The following ZBTB8OS variants were observed in gnomAD, a reference collection of about 807,000 sequenced individuals.
The protein encoded by ZBTB8OS is tRNA splicing ligase complex subunit 1, also known as tRNA-splicing ligase-activating factor archease.
ZBTB8OS carries 16 observed loss-of-function variants against 29.3 expected under a neutral mutation model. The ratio of observed to expected loss-of-function variants is 0.55; its 90% CI spans 0.37 to 0.83. ZBTB8OS has a LOEUF of 0.83. ZBTB8OS is among the 40% of genes least tolerant of loss of function. The pLI, the probability that ZBTB8OS is intolerant of heterozygous loss-of-function variation, is 0.00. For synonymous variants in ZBTB8OS, 70 were observed against 64.6 expected, an observed-to-expected ratio of 1.08 and a Z score of -0.40; for missense variants, 160 against 196.9, an observed-to-expected ratio of 0.81 and a Z score of 1.12.
intron 1 of ZBTB8OS, among the ~76,000 whole-genome samples, chr1:32,642,359 C>T (rs940770280): frequency 1.3e-5 from 2 of 151,940 alleles, no homozygotes; most frequent in Non-Finnish European, 2.9e-5. Flanking sequence ...CAAAAATTAG[C>T]TGGGCGTAGT....
At chr1:32,627,473 T>G in intron 6 of ZBTB8OS, 35 bp downstream of exon 6, 1 of 1,608,332 alleles carries the variant, frequency 6.2e-7, no homozygotes. Flanking sequence ...TAAGGAAATT[T>G]TTCATGTTCT....
chr1:32,639,375 C>A (rs971946122), intron 1 of ZBTB8OS, among the ~76,000 whole-genome samples: 1 of 151,898 alleles, frequency 6.6e-6, no homozygotes, highest in African/African-American at 2.4e-5. Context: ...GTCACAGGCA[C>A]GACCATAGTA....
intron 1 of ZBTB8OS, among the ~76,000 whole-genome samples, chr1:32,636,416 C>T (rs1026436240): frequency 1.3e-5 from 2 of 152,172 alleles, no homozygotes; most frequent in African/African-American, 2.4e-5. Flanking sequence ...TGAGTCTGGG[C>T]GCAGTTGCTC....
intron 1 of ZBTB8OS, among the ~76,000 whole-genome samples, chr1:32,642,828 G>A (rs1433236386): frequency 5.0e-5 from 2 of 40,108 alleles, no homozygotes; most frequent in Non-Finnish European, 1.3e-4. Context: ...GGAGTGCAAT[G>A]GTCCAATTTT....
intron 1 of ZBTB8OS, among the ~76,000 whole-genome samples, chr1:32,641,780 G>A (rs1646429127): frequency 6.6e-6 from 1 of 151,598 alleles, no homozygotes; most frequent in African/African-American, 2.4e-5. Context: ...AATTAGCCGG[G>A]CATGGTGGCT....
rs546640576 is a variant in ZBTB8OS, at chr1:32,632,158, C to T, written c.328-279G>A. The stretch of plus-strand genomic sequence containing the variant: ...CTGGGACTACAGGCGCCTGCCACCA[C>T]GCCCGGCCAATCAATTTTTTTTGTA... On this transcript the variant is annotated intron_variant, in intron 4 of 6. Coordinates refer to ENST00000468695, the MANE Select transcript of ZBTB8OS (RefSeq NM_178547.5). 62 of 184,450 alleles carry T rather than the reference C, an allele frequency of 3.4e-4. 1 individual carries two copies. The South Asian group carries it at 6.8e-3, about 20-fold the overall frequency. 11.4% of individuals were successfully genotyped at this position (184,450 alleles called of 1,614,324 possible).
chr1:32,642,529 T>C (rs1223873872), intron 1 of ZBTB8OS, among the ~76,000 whole-genome samples: 1 of 149,364 alleles, frequency 6.7e-6, no homozygotes, highest in Admixed American at 6.7e-5. Flanking sequence ...AAAAAAGAAA[T>C]GGCCCGGCAA....
At position 32,640,861 on chromosome 1, in the gene ZBTB8OS, T is replaced by C. The variant is rs1164073863; in HGVS notation, c.98-6069A>G. 4.6e-5 allele frequency among the ~76,000 whole-genome samples: 7 copies of C among 152,238 alleles called. No homozygotes were observed. In the East Asian group the frequency reaches 1.4e-3, roughly 29 times the overall value. Reference sequence around the variant, plus strand: ...AAATATTGTCAGCTATTTTCCTTGATGTGACAGATCACTGTTCACTTTCAA... The same window carrying C: ...AAATATTGTCAGCTATTTTCCTTGACGTGACAGATCACTGTTCACTTTCAA... On this transcript the variant is annotated intron_variant, in intron 1 of 6. Coordinates refer to ENST00000468695, the MANE Select transcript of ZBTB8OS (RefSeq NM_178547.5).
chr1:32,643,921 G>T (rs916693201), intron 1 of ZBTB8OS, among the ~76,000 whole-genome samples: 1 of 151,832 alleles, frequency 6.6e-6, no homozygotes, highest in Non-Finnish European at 1.5e-5. Context: ...TTGTACCCAA[G>T]CGAGTTAGAA....
chr1:32,645,501 A>T (rs1646764763), intron 1 of ZBTB8OS, among the ~76,000 whole-genome samples: 1 of 152,156 alleles, frequency 6.6e-6, no homozygotes, highest in African/African-American at 2.4e-5. Context: ...GACCCTTTCT[A>T]GCATACAGTT....
intron 5 of ZBTB8OS, among the ~76,000 whole-genome samples, chr1:32,629,528 TA>T (rs1645375240): frequency 6.6e-6 from 1 of 152,158 alleles, no homozygotes; most frequent in Non-Finnish European, 1.5e-5. Flanking sequence ...CTAGACTCTA[TA>T]ATACAGTCCG....
chr1:32,622,370 C>T (rs1644815400), intron 6 of ZBTB8OS, among the ~76,000 whole-genome samples: 1 of 152,166 alleles, frequency 6.6e-6, no homozygotes. Flanking sequence ...GACACACATA[C>T]ACCATAGAAT....
At chr1:32,650,186 G>A (rs1428419507) in intron 1 of ZBTB8OS, among the ~76,000 whole-genome samples, 2 of 152,104 alleles carry the variant, frequency 1.3e-5, no homozygotes, top group Non-Finnish European at 1.5e-5. Context: ...AATGTGATTA[G>A]GCACATGTGG....
At chr1:32,624,454 T>C (rs1644963535) in intron 6 of ZBTB8OS, among the ~76,000 whole-genome samples, 1 of 152,196 alleles carries the variant, frequency 6.6e-6, no homozygotes, top group Admixed American at 6.6e-5. Flanking sequence ...GCTGAATGCA[T>C]GCATAAATTC....
Position 32,621,876 on chromosome 1 carries a change from T to A in ZBTB8OS, c.490A>T (p.Ile164Phe). 1 of 1,590,580 alleles carries A rather than the reference T, an allele frequency of 6.3e-7. No homozygotes were observed. Among genetic ancestry groups the A allele is most frequent in the Non-Finnish European group, 8.5e-7 (1 of 1,174,910 alleles). ...YNEENPEVFV[I>F]IDI ...TTTTTGGTGTCTTAAATGTCAATGA[T>A]CACAAAAACTTCCGGGTTCTCTTCA... Residue 164 changes from isoleucine (I) to phenylalanine (F), a missense_variant, in exon 7 of 7, where the codon ATC (isoleucine) becomes TTC (phenylalanine). Physicochemically the swap from Ile to Phe is conservative, Grantham distance 21. Coordinates refer to ENST00000468695, the MANE Select transcript of ZBTB8OS (RefSeq NM_178547.5).
intron 1 of ZBTB8OS, among the ~76,000 whole-genome samples, chr1:32,648,463 G>C (rs1263421625): frequency 6.6e-6 from 1 of 152,160 alleles, no homozygotes; most frequent in Non-Finnish European, 1.5e-5. Context: ...CACAAGAGTA[G>C]AAATAGCCTA....
At chr1:32,647,633 G>T (rs1027246612) in intron 1 of ZBTB8OS, among the ~76,000 whole-genome samples, 1 of 152,010 alleles carries the variant, frequency 6.6e-6, no homozygotes, top group Admixed American at 6.6e-5. Flanking sequence ...ATCAGGCACA[G>T]CATTAGATTC....
At chr1:32,646,660 TA>T (rs943091730) in intron 1 of ZBTB8OS, among the ~76,000 whole-genome samples, 14 of 147,432 alleles carry the variant, frequency 9.5e-5, no homozygotes, top group Admixed American at 1.4e-4. Flanking sequence ...TTCAAATGTA[TA>T]AAAAAAAAAT....
intron 5 of ZBTB8OS, 118 bp downstream of exon 5, chr1:32,631,709 C>G (rs1272985366): frequency 2.8e-6 from 2 of 713,388 alleles, no homozygotes; most frequent in Non-Finnish European, 2.3e-6. Flanking sequence ...CTTAGACATC[C>G]CACAAAACTC....
Sources: gnomAD v4.1 joint callset for allele counts (sites outside exome capture counted in the v4.1 genomes callset) on GRCh38, gnomAD v4.1.1 for gene constraint, MANE v1.5 for transcripts, NCBI Gene and HGNC (gene_info 2026-07-23, HGNC 2026-07-21) for gene names.